The following SLCO2A1 variants were observed in gnomAD, a reference collection of about 807,000 sequenced individuals.
The protein encoded by SLCO2A1 is solute carrier organic anion transporter family member 2A1.
SLCO2A1 carries 60 observed loss-of-function variants against 71.7 expected under a neutral mutation model. That is an observed-to-expected ratio of 0.84 (90% CI 0.68 to 1.04). The LOEUF is 1.04. Ranked by LOEUF, SLCO2A1 falls within the 50% of genes least tolerant of loss-of-function variation. The probability of loss-of-function intolerance (pLI) is 0.00; values close to 1 mark genes in which losing one functional copy is unlikely to be tolerated. For missense variants in SLCO2A1, 745 were observed against 813.4 expected (o/e 0.92, Z 1.02); for synonymous variants, 308 against 326.7 (o/e 0.94, Z 0.62).
In SLCO2A1 at chr3:133,947,445, C is replaced by G; in HGVS notation, c.1106G>C (p.Gly369Ala). ...GGCTGCAGCAGGGAGGTTCACAGCA[C>G]CTATAAGTGGAAAGAAGGAGGTGAT... ...TSAAYANFLI[G>A]AVNLPAAALG... Residue 369 changes from glycine (G) to alanine (A), a missense_variant and splice_region_variant, in exon 9 of 14, where the codon GGT becomes GCT. Physicochemically the swap from Gly to Ala is moderately conservative, Grantham distance 60. Coordinates refer to ENST00000310926, the MANE Select transcript of SLCO2A1 (RefSeq NM_005630.3). 6.2e-7 allele frequency: 1 copy of G among 1,610,532 alleles called. No individual in the cohort carries two copies. Among genetic ancestry groups the G allele is most frequent in the Non-Finnish European group, 8.5e-7 (1 of 1,178,226 alleles).
chr3:134,021,496 C>T (rs60172210), intron 1 of SLCO2A1, among the ~76,000 whole-genome samples: 1 of 151,882 alleles, frequency 6.6e-6, no homozygotes, highest in Admixed American at 6.6e-5. Flanking sequence ...TGGTTTTAGA[C>T]CCCCCGCCCC....
intron 11 of SLCO2A1, among the ~76,000 whole-genome samples, chr3:133,939,135 T>G (rs1235624492): frequency 6.6e-6 from 1 of 152,200 alleles, no homozygotes; most frequent in African/African-American, 2.4e-5. Flanking sequence ...GTCTGGAAAT[T>G]CTTAATTTCT....
intron 1 of SLCO2A1, among the ~76,000 whole-genome samples, chr3:133,992,912 A>ATGTCATGTGTGTGTGGGTGC (rs1934884989): frequency 6.6e-6 from 1 of 150,440 alleles, no homozygotes; most frequent in Non-Finnish European, 1.5e-5. Context: ...AAGAGTTCAG[A>ATGTCATGTGTGTGTGGGTGC]TGTCATGAGT....
intron 1 of SLCO2A1, among the ~76,000 whole-genome samples, chr3:134,006,164 C>T (rs538492348): frequency 1.4e-3 from 213 of 152,248 alleles, no homozygotes; most frequent in African/African-American, 4.6e-3. Flanking sequence ...TCAAGCAATC[C>T]TCCCACCTCA....
intron 12 of SLCO2A1, among the ~76,000 whole-genome samples, chr3:133,936,149 T>A (rs1379040828): frequency 6.6e-6 from 1 of 152,206 alleles, no homozygotes. Context: ...AGGGATCACC[T>A]TGATGCCGGC....
chr3:133,952,607 A>G (rs992167194), intron 5 of SLCO2A1, among the ~76,000 whole-genome samples: 3 of 152,194 alleles, frequency 2.0e-5, no homozygotes, highest in Admixed American at 2.0e-4. Context: ...TGCTCCATTC[A>G]TCCTGGGGCT....
intron 2 of SLCO2A1, among the ~76,000 whole-genome samples, chr3:133,974,937 C>T (rs1934411877): frequency 6.6e-6 from 1 of 152,200 alleles, no homozygotes; most frequent in Non-Finnish European, 1.5e-5. Context: ...TCACCAGTGG[C>T]CTCCTCATTG....
intron 1 of SLCO2A1, among the ~76,000 whole-genome samples, chr3:133,997,371 C>T (rs959971497): frequency 2.6e-5 from 4 of 152,186 alleles, no homozygotes; most frequent in Admixed American, 6.5e-5. Flanking sequence ...TGCTCATGAC[C>T]GTGACATTAT....
At chr3:133,990,641 GT>G (rs763175238) in intron 1 of SLCO2A1, among the ~76,000 whole-genome samples, 16 of 152,128 alleles carry the variant, frequency 1.1e-4, no homozygotes, top group Non-Finnish European at 2.2e-4. Context: ...CTGGCTCTGG[GT>G]GTATGCCCAT....
chr3:133,942,892 G>T, intron 10 of SLCO2A1, 124 bp from the exon 11 acceptor site: 1 of 1,053,704 alleles, frequency 9.5e-7, no homozygotes, highest in Non-Finnish European at 1.3e-6. Flanking sequence ...TCTGGGTCTG[G>T]TTCCCAGGGA....
intron 1 of SLCO2A1, among the ~76,000 whole-genome samples, chr3:133,991,838 C>G (rs948788160): frequency 2.6e-5 from 4 of 152,210 alleles, no homozygotes; most frequent in African/African-American, 9.6e-5. Context: ...CTTTACTGCC[C>G]ACAAAGTTGA....
chr3:133,977,794 C>T (rs1483527953), intron 2 of SLCO2A1, among the ~76,000 whole-genome samples: 1 of 152,072 alleles, frequency 6.6e-6, no homozygotes, highest in African/African-American at 2.4e-5. Flanking sequence ...AGGTCAACAT[C>T]GATGAGGGTC....
intron 1 of SLCO2A1, among the ~76,000 whole-genome samples, chr3:133,993,463 T>C (rs770204092): frequency 3.7e-4 from 57 of 152,132 alleles, no homozygotes; most frequent in Non-Finnish European, 1.0e-4. Flanking sequence ...GGGTCTGGGC[T>C]TTAGATACCA....
chr3:133,998,975 C>G (rs937883116), intron 1 of SLCO2A1, among the ~76,000 whole-genome samples: 1 of 152,238 alleles, frequency 6.6e-6, no homozygotes, highest in Non-Finnish European at 1.5e-5. Flanking sequence ...TATTCTAACT[C>G]TCTGCCTAGA....
chr3:134,008,541 C>T (rs1935269639), intron 1 of SLCO2A1, among the ~76,000 whole-genome samples: 3 of 152,228 alleles, frequency 2.0e-5, no homozygotes, highest in East Asian at 1.9e-4. Flanking sequence ...ATGTTCTCTA[C>T]ATCCTCCCAG....
rs1261108319 is a variant in SLCO2A1, at chr3:133,934,828, T to C, written c.1817A>G (p.Tyr606Cys). ...YYDNDALRDR[Y>C]LGLQMGYKAL... ...CTTGTAGCCCATCTGCAGGCCCAGG[T>C]ACCTGTGGGCAGGAGGAGGCAGGAC... Residue 606 changes from tyrosine to cysteine, a missense_variant and splice_region_variant, in exon 14 of 14, where the codon TAC (tyrosine) becomes TGC (cysteine). Tyr to Cys is a radical substitution (Grantham distance 194). Transcript: ENST00000310926. 6.2e-7 allele frequency: 1 copy of C among 1,609,436 alleles called. No individual in the cohort carries two copies. Among genetic ancestry groups the C allele is most frequent in the South Asian group, 1.1e-5 (1 of 91,026 alleles).
chr3:133,938,640 T>A (rs1314324263), intron 11 of SLCO2A1, 147 bp from the exon 12 acceptor site: 2 of 707,506 alleles, frequency 2.8e-6, no homozygotes. Context: ...CTGGGCTGAA[T>A]GCTCTAGTTC....
rs879301939 is a variant in SLCO2A1 at position 133,945,188 on chromosome 3, G to A, written c.1368C>T (p.His456=). ...RDCSCPDSIF[H]PVCGDNGIEY... ...CGATTCCATTGTCTCCACAGACCGG[G>A]TGGAAGATAGAATCTGGGCACGAGC... is the stretch of plus-strand genomic sequence containing the variant. Residue 456 remains histidine, a synonymous_variant, in exon 10 of 14, where the codon CAC becomes CAT. Coordinates refer to ENST00000310926, the MANE Select transcript of SLCO2A1 (RefSeq NM_005630.3). 1.2e-6 allele frequency: 2 copies of A among 1,614,214 alleles called. No individual in the cohort carries two copies. The highest frequency in any genetic ancestry group is 1.1e-5 in the South Asian group (1 of 91,086).
intron 3 of SLCO2A1, among the ~76,000 whole-genome samples, chr3:133,967,151 C>A (rs1167248291): frequency 6.6e-6 from 1 of 152,206 alleles, no homozygotes; most frequent in Non-Finnish European, 1.5e-5. Flanking sequence ...ACCCTCCCCC[C>A]AAGCAGACCT....
Sources: gnomAD v4.1 joint callset for allele counts (sites outside exome capture counted in the v4.1 genomes callset) on GRCh38, gnomAD v4.1.1 for gene constraint, MANE v1.5 for transcripts, NCBI Gene and HGNC (gene_info 2026-07-23, HGNC 2026-07-21) for gene names.